Variants in MLLT10 observed in about 807,000 individuals in gnomAD.
The protein encoded by MLLT10 is MLLT10 histone lysine methyltransferase DOT1L cofactor, also known as protein AF-10.
In MLLT10, 30 loss-of-function variants were observed where a neutral mutation model predicts 129.1. The ratio of observed to expected loss-of-function variants is 0.23; its 90% CI spans 0.17 to 0.32. The LOEUF is 0.32. Ranked by LOEUF, MLLT10 falls within the 10% of genes least tolerant of loss-of-function variation. MLLT10 has a pLI of 1.00. For synonymous variants in MLLT10, 490 were observed against 446.4 expected (o/e 1.10, Z -1.23); for missense variants, 1,119 against 1,268.3 (o/e 0.88, Z 1.79).
chr10:21,596,679 T>C (rs1438916060), intron 5 of MLLT10, among the ~76,000 whole-genome samples: 1 of 152,122 alleles, frequency 6.6e-6, no homozygotes, highest in East Asian at 1.9e-4. Context: ...GTTTGAGTAC[T>C]GGTAAGGTTA....
At chr10:21,635,808 C>T (rs1423382455) in intron 8 of MLLT10, among the ~76,000 whole-genome samples, 1 of 151,622 alleles carries the variant, frequency 6.6e-6, no homozygotes, top group Non-Finnish European at 1.5e-5. Flanking sequence ...CTCACTGCCA[C>T]CTCCGCCTCC....
At chr10:21,709,073 C>T (rs1270208023) in intron 13 of MLLT10, among the ~76,000 whole-genome samples, 1 of 152,086 alleles carries the variant, frequency 6.6e-6, no homozygotes, top group African/African-American at 2.4e-5. Flanking sequence ...GTGACAGATC[C>T]AGCATTTGAA....
chr10:21,586,212 G>A, intron 3 of MLLT10, 82 bp from the exon 4 acceptor site: 4 of 1,051,310 alleles, frequency 3.8e-6, no homozygotes, highest in Non-Finnish European at 5.7e-6. Context: ...CACATTTTCA[G>A]TAGTTTTGAC....
At chr10:21,693,407 C>G (rs549878523) in intron 13 of MLLT10, among the ~76,000 whole-genome samples, 1 of 151,582 alleles carries the variant, frequency 6.6e-6, no homozygotes, top group Admixed American at 6.6e-5. Context: ...GTTTCCTGAC[C>G]GTCTTTTTGT....
At chr10:21,695,281 CA>C (rs986391848) in intron 13 of MLLT10, among the ~76,000 whole-genome samples, 6 of 152,110 alleles carry the variant, frequency 3.9e-5, no homozygotes, top group African/African-American at 1.4e-4. Flanking sequence ...TCAAGTGAGC[CA>C]CTGCACTCAG....
chr10:21,666,874 A>ACAT (rs1323108200), intron 9 of MLLT10, among the ~76,000 whole-genome samples: 1 of 152,140 alleles, frequency 6.6e-6, no homozygotes, highest in Non-Finnish European at 1.5e-5. Flanking sequence ...GAGAAATTTC[A>ACAT]CATCATCATC....
chr10:21,672,814 C>T (rs1390617059), intron 10 of MLLT10, among the ~76,000 whole-genome samples: 1 of 152,120 alleles, frequency 6.6e-6, no homozygotes, highest in African/African-American at 2.4e-5. Context: ...ACTAGTATGT[C>T]TTAAAGTTAA....
chr10:21,735,212 T>C lies in MLLT10; in HGVS notation c.2932T>C (p.Leu978=), dbSNP rs778274457. ...TCATCAACAGCAGTTTCAGCAGTTG[T>C]TAAATTCTCAACAGCTCACACCAGT... is the stretch of plus-strand genomic sequence containing the variant. ...LIHQQQFQQL[L]NSQQLTPEQH... is the part of the protein sequence containing the mutation. The change falls in exon 21 of 23, where the codon TTA becomes CTA. Residue 978 remains leucine, a synonymous_variant. Coordinates refer to ENST00000307729, the MANE Select transcript of MLLT10 (RefSeq NM_001195626.3). 6.2e-7 allele frequency: 1 copy of C among 1,613,680 alleles called. No homozygotes were observed. Among genetic ancestry groups the C allele is most frequent in the South Asian group, 1.1e-5 (1 of 91,072 alleles).
chr10:21,568,523 A>C (rs1447259355), intron 3 of MLLT10, among the ~76,000 whole-genome samples: 2 of 152,158 alleles, frequency 1.3e-5, no homozygotes, highest in Non-Finnish European at 2.9e-5. Flanking sequence ...TTTCTTTTCT[A>C]ATATAGTCAT....
chr10:21,597,000 ATCTT>A (rs2043082652), intron 5 of MLLT10, among the ~76,000 whole-genome samples: 1 of 151,856 alleles, frequency 6.6e-6, no homozygotes, highest in Non-Finnish European at 1.5e-5. Context: ...TGCAAAGAAA[ATCTT>A]TATATTAATG....
At chr10:21,646,314 A>G (rs953113207) in intron 8 of MLLT10, among the ~76,000 whole-genome samples, 2 of 152,238 alleles carry the variant, frequency 1.3e-5, no homozygotes, top group African/African-American at 4.8e-5. Flanking sequence ...ATTTAGGTTC[A>G]TTACAGAGAG....
intron 13 of MLLT10, among the ~76,000 whole-genome samples, chr10:21,711,924 T>G (rs1334520613): frequency 1.3e-5 from 2 of 152,186 alleles, no homozygotes; most frequent in Non-Finnish European, 2.9e-5. Flanking sequence ...TTGTAATGCC[T>G]TTTTTCTACG....
intron 4 of MLLT10, among the ~76,000 whole-genome samples, chr10:21,592,912 CAT>C (rs2042649446): frequency 6.6e-6 from 1 of 152,130 alleles, no homozygotes; most frequent in Non-Finnish European, 1.5e-5. Context: ...TTTTCTTTCT[CAT>C]ATTTTCTCTG....
chr10:21,618,682 GGA>G (rs933017346), intron 8 of MLLT10, among the ~76,000 whole-genome samples: 1 of 151,674 alleles, frequency 6.6e-6, no homozygotes, highest in African/African-American at 2.4e-5. Context: ...TGCCCAGGCT[GGA>G]GTGCAGTGGT....
rs527411863 is a variant in MLLT10 at position 21,625,493 on chromosome 10, T to A, written c.699+8286T>A. ...TTCACAGGGTCAGCCCATTCAACTGTAACTACATTTCCCCATACTTTTACT... is the reference window on the plus strand; with the variant it reads ...TTCACAGGGTCAGCCCATTCAACTGAAACTACATTTCCCCATACTTTTACT... On this transcript the variant is annotated intron_variant, in intron 8 of 22. Transcript: ENST00000307729. 12 of 989,896 alleles carry A rather than the reference T, an allele frequency of 1.2e-5. No individual in the cohort carries two copies. The South Asian group carries it at 1.5e-4, about 13-fold the overall frequency. The allele number at this position is 989,896 out of a possible 1,614,324, so 61.3% of individuals were successfully genotyped here. A position where few individuals can be genotyped will look rare whatever the true frequency, so the allele number is the denominator to read the frequency against.
At position 21,651,657 on chromosome 10, in the gene MLLT10, T is replaced by C. The variant is rs770727465; in HGVS notation, c.700-16T>C. On this transcript the variant is annotated splice_polypyrimidine_tract_variant and intron_variant, in intron 8 of 22. Coordinates refer to ENST00000307729, the MANE Select transcript of MLLT10 (RefSeq NM_001195626.3). The stretch of plus-strand genomic sequence containing the variant: ...TAGTTAAATTAAAATTGGATTTTAC[T>C]TATATTCGTTTTTAGAAATATAAAG... The C allele has an allele frequency of 2.1e-5, 33 of 1,590,960 alleles. No homozygotes were observed. Among genetic ancestry groups the C allele is most frequent in the Non-Finnish European group, 2.8e-5 (32 of 1,162,018 alleles).
At chr10:21,711,399 G>A (rs1474768874) in intron 13 of MLLT10, among the ~76,000 whole-genome samples, 1 of 151,816 alleles carries the variant, frequency 6.6e-6, no homozygotes, top group Non-Finnish European at 1.5e-5. Context: ...TCCAGCCTGG[G>A]CAACAGAGCA....
chr10:21,637,950 C>G (rs1396522166), intron 8 of MLLT10, among the ~76,000 whole-genome samples: 2 of 152,158 alleles, frequency 1.3e-5, no homozygotes, highest in African/African-American at 4.8e-5. Flanking sequence ...TATTGCATCT[C>G]TTCCTACCCC....
chr10:21,664,719 C>G (rs1382404542), intron 9 of MLLT10, among the ~76,000 whole-genome samples: 2 of 151,928 alleles, frequency 1.3e-5, no homozygotes, highest in Non-Finnish European at 2.9e-5. Context: ...TTTGTTCTGT[C>G]AGTTATTGTG....
Sources: allele counts gnomAD v4.1 joint callset (sites outside exome capture counted in the v4.1 genomes callset), GRCh38; gene constraint gnomAD v4.1.1; transcripts MANE v1.5; gene names NCBI Gene and HGNC (gene_info 2026-07-23, HGNC 2026-07-21).